MACROD2: variants seen among roughly 807,000 people sequenced by gnomAD.
The protein encoded by MACROD2 is ADP-ribose glycohydrolase MACROD2.
In MACROD2, 36 loss-of-function variants were observed where a neutral mutation model predicts 70.4. The ratio of observed to expected loss-of-function variants is 0.51; its 90% CI spans 0.39 to 0.68. MACROD2 has a LOEUF of 0.68. MACROD2 is among the 30% of genes least tolerant of loss of function. The pLI, the probability that MACROD2 is intolerant of heterozygous loss-of-function variation, is 0.00. For missense variants in MACROD2, 496 were observed against 538.4 expected, an observed-to-expected ratio of 0.92 and a Z score of 0.78; for synonymous variants, 172 against 178.8, an observed-to-expected ratio of 0.96 and a Z score of 0.30.
At chr20:15,905,743 G>T (rs1422247898) in intron 10 of MACROD2, among the ~76,000 whole-genome samples, 1 of 152,178 alleles carries the variant, frequency 6.6e-6, no homozygotes, top group Non-Finnish European at 1.5e-5. Flanking sequence ...ATGTAACAAA[G>T]TTGTGCTTTC....
chr20:15,223,569 A>G (rs993434383), intron 5 of MACROD2, among the ~76,000 whole-genome samples: 3 of 152,150 alleles, frequency 2.0e-5, no homozygotes, highest in Admixed American at 1.3e-4. Context: ...TCATGTTTCA[A>G]TCTTTGGCTA....
Position 14,861,923 on chromosome 20 carries a change from C to CT in MACROD2, c.418+176965dup, listed in dbSNP as rs2073322527. 3.2e-5 allele frequency among the ~76,000 whole-genome samples: 4 copies of CT among 125,868 alleles called. No homozygotes were observed. In the South Asian group the frequency reaches 9.7e-4, roughly 30 times the overall value. 82.6% of individuals were successfully genotyped at this position (125,868 alleles called of 152,430 possible). A position where few individuals can be genotyped will look rare whatever the true frequency, so the allele number is the denominator to read the frequency against. ...TTATGCTCTGCAATACTTGTGGGGG[C>CT]TGTGGAATGCACACTTCCAAAGTGA... On this transcript the variant is annotated intron_variant, in intron 5 of 17. Transcript: ENST00000684519.
chr20:14,909,845 A>C (rs2074005062), intron 5 of MACROD2, among the ~76,000 whole-genome samples: 1 of 152,036 alleles, frequency 6.6e-6, no homozygotes, highest in South Asian at 2.1e-4. Context: ...ATGGGGTGAA[A>C]TGATTATATT....
chr20:14,854,622 C>G (rs865999874), intron 5 of MACROD2, among the ~76,000 whole-genome samples: 13 of 152,214 alleles, frequency 8.5e-5, no homozygotes, highest in Middle Eastern at 6.8e-3. Flanking sequence ...AAAACAAAAT[C>G]CTTAAGCTTG....
intron 9 of MACROD2, among the ~76,000 whole-genome samples, chr20:15,877,902 G>A (rs187723942): frequency 1.4e-4 from 21 of 152,130 alleles, no homozygotes; most frequent in Non-Finnish European, 2.8e-4. Context: ...CCATATGTAC[G>A]GATGTTCCTG....
Position 15,703,650 on chromosome 20 carries a change from G to A in MACROD2, c.646-159095G>A, listed in dbSNP as rs149706094. The stretch of plus-strand genomic sequence containing the variant: ...TTGTAGTTTCCGTGGGGCAGAGTCT[G>A]GGGAGTGGCTTATTTTGGTAGTTCT... On this transcript the variant is annotated intron_variant, in intron 8 of 17. Transcript: ENST00000684519. 8.4e-3 allele frequency among the ~76,000 whole-genome samples: 1,276 copies of A among 152,274 alleles called. 5 individuals carry two copies. The highest frequency in any genetic ancestry group is 0.011 in the Non-Finnish European group (738 of 68,020).
intron 8 of MACROD2, among the ~76,000 whole-genome samples, chr20:15,626,777 C>G (rs1339151841): frequency 6.6e-6 from 1 of 152,116 alleles, no homozygotes; most frequent in East Asian, 1.9e-4. Context: ...ATCTCTTGAA[C>G]CCAGGAGATG....
chr20:14,003,939 T>C (rs1569110092), intron 2 of MACROD2, among the ~76,000 whole-genome samples: 1 of 152,208 alleles, frequency 6.6e-6, no homozygotes, highest in Non-Finnish European at 1.5e-5. Context: ...AATTTCTTTT[T>C]TTGTTTATAA....
intron 3 of MACROD2, among the ~76,000 whole-genome samples, chr20:14,115,812 A>T (rs980732029): frequency 7.9e-5 from 12 of 152,220 alleles, no homozygotes; most frequent in Admixed American, 4.6e-4. Flanking sequence ...GCAAAATAAA[A>T]TAAGACAGAA....
chr20:15,722,492 A>G (rs752938111), intron 8 of MACROD2, among the ~76,000 whole-genome samples: 9 of 152,190 alleles, frequency 5.9e-5, no homozygotes, highest in Non-Finnish European at 1.2e-4. Flanking sequence ...ATATTTCTAG[A>G]TAGCACTATA....
chr20:15,460,977 CATATAT>C (rs1157335873), intron 7 of MACROD2, among the ~76,000 whole-genome samples: 4,544 of 69,762 alleles, frequency 0.065, 412 homozygotes, highest in Non-Finnish European at 0.089. Context: ...TCTCTCTCTC[CATATAT>C]ATATATATAT....
chr20:14,832,388 G>A (rs2072981318), intron 5 of MACROD2, among the ~76,000 whole-genome samples: 1 of 151,946 alleles, frequency 6.6e-6, no homozygotes, highest in African/African-American at 2.4e-5. Context: ...GAGAGGGATG[G>A]GAAGGAGGGA....
At chr20:15,717,983 A>G (rs966646082) in intron 8 of MACROD2, among the ~76,000 whole-genome samples, 8 of 151,120 alleles carry the variant, frequency 5.3e-5, no homozygotes, top group African/African-American at 1.9e-4. Flanking sequence ...TCCTCATAGC[A>G]TGTTAATGTC....
chr20:15,691,542 A>G (rs1423557210), intron 8 of MACROD2, among the ~76,000 whole-genome samples: 1 of 152,198 alleles, frequency 6.6e-6, no homozygotes, highest in Non-Finnish European at 1.5e-5. Flanking sequence ...AGATGGTGAC[A>G]AGAGAAAATA....
At chr20:14,897,110 T>C (rs1362812124) in intron 5 of MACROD2, among the ~76,000 whole-genome samples, 1 of 152,130 alleles carries the variant, frequency 6.6e-6, no homozygotes, top group Non-Finnish European at 1.5e-5. Flanking sequence ...GAATATTACT[T>C]TGAGAATTGG....
chr20:15,913,824 A>G (rs2065271307), intron 10 of MACROD2, among the ~76,000 whole-genome samples: 1 of 152,260 alleles, frequency 6.6e-6, no homozygotes, highest in South Asian at 2.1e-4. Flanking sequence ...TCAAAGTGAA[A>G]GTGCTTATAG....
chr20:14,074,095 C>T (rs2053885302), intron 2 of MACROD2, among the ~76,000 whole-genome samples: 1 of 152,180 alleles, frequency 6.6e-6, no homozygotes, highest in Non-Finnish European at 1.5e-5. Flanking sequence ...GGCCTACCTT[C>T]AGCAAGAATC....
chr20:15,513,871 G>A (rs973775404), intron 8 of MACROD2, among the ~76,000 whole-genome samples: 1 of 152,118 alleles, frequency 6.6e-6, no homozygotes, highest in African/African-American at 2.4e-5. Flanking sequence ...ATGTAAAATG[G>A]TGATCTCATA....
chr20:15,827,104 C>A (rs1332479864), intron 8 of MACROD2, among the ~76,000 whole-genome samples: 1 of 152,106 alleles, frequency 6.6e-6, no homozygotes, highest in African/African-American at 2.4e-5. Flanking sequence ...CAAAAACTGC[C>A]ATCTTCCTCA....
Sources: allele counts gnomAD v4.1 joint callset (sites outside exome capture counted in the v4.1 genomes callset), GRCh38; gene constraint gnomAD v4.1.1; transcripts MANE v1.5; gene names NCBI Gene and HGNC (gene_info 2026-07-23, HGNC 2026-07-21).